Variants in DCHS2 observed in about 807,000 individuals in gnomAD.
DCHS2 encodes dachsous cadherin-related 2.
DCHS2 carries 142 observed loss-of-function variants against 182.4 expected under a neutral mutation model. The ratio of observed to expected loss-of-function variants is 0.78; its 90% CI spans 0.68 to 0.89. DCHS2 has a LOEUF of 0.89. Ranked by LOEUF, DCHS2 falls within the 40% of genes least tolerant of loss-of-function variation. The pLI, the probability that DCHS2 is intolerant of heterozygous loss-of-function variation, is 0.00. For synonymous variants in DCHS2, 1,740 were observed against 1,663.3 expected, an observed-to-expected ratio of 1.05 and a Z score of -1.12; for missense variants, 4,319 against 4,198.6, an observed-to-expected ratio of 1.03 and a Z score of -0.79.
intron 1 of DCHS2, among the ~76,000 whole-genome samples, chr4:154,486,112 T>G (rs945962603): frequency 6.6e-6 from 1 of 152,178 alleles, no homozygotes; most frequent in Non-Finnish European, 1.5e-5. Flanking sequence ...ACTGAGTTAT[T>G]AAGAAGTCCA....
intron 1 of DCHS2, among the ~76,000 whole-genome samples, chr4:154,382,958 A>G (rs974983424): frequency 6.6e-6 from 1 of 152,142 alleles, no homozygotes; most frequent in Non-Finnish European, 1.5e-5. Context: ...TTAAAGAACT[A>G]CCATTCGAAC....
intron 5 of DCHS2, chr4:154,331,554 A>C (rs1173537510): frequency 6.3e-7 from 1 of 1,582,828 alleles, no homozygotes; most frequent in Non-Finnish European, 8.6e-7. Flanking sequence ...GTGCCCTGTG[A>C]AAACCCTCCA....
chr4:154,436,598 G>A (rs1733787718), intron 1 of DCHS2, among the ~76,000 whole-genome samples: 2 of 152,158 alleles, frequency 1.3e-5, no homozygotes, highest in Admixed American at 6.5e-5. Context: ...AGTATGTGAT[G>A]TGATATATAC....
At position 154,320,912 on chromosome 4, in the gene DCHS2, A is replaced by G; in HGVS notation, c.4487T>C (p.Leu1496Pro). Residue 1496 changes from leucine to proline, a missense_variant, in exon 9 of 20, where the codon CTT (leucine) becomes CCT (proline). Transcript: ENST00000357232. ...KNLSLSSTVF[L>P]SIDVEDQNDH... ...ATTCTGATCTTCCACATCGATACTAAGGAAGACTGTGCTACTCAGGGAAAG... is the reference window on the plus strand; with the variant it reads ...ATTCTGATCTTCCACATCGATACTAGGGAAGACTGTGCTACTCAGGGAAAG... 2 of 1,614,122 alleles carry G rather than the reference A, an allele frequency of 1.2e-6. No individual in the cohort carries two copies. The highest frequency in any genetic ancestry group is 2.2e-5 in the East Asian group (1 of 44,890).
rs41280475 is a variant in DCHS2, at chr4:154,240,735, A to G, written c.7161T>C (p.Ser2387=). 7.0e-3 allele frequency: 11,299 copies of G among 1,613,926 alleles called. 65 individuals carry two copies. Among genetic ancestry groups the G allele is most frequent in the Middle Eastern group, 0.026 (159 of 6,058 alleles). ...SAFIFSFAKE[S]NPGTKFAIDQ... The stretch of plus-strand genomic sequence containing the variant: ...CAATAGCAAACTTGGTTCCAGGATT[A>G]CTCTCTTTGGCAAAACTGAATATGA... The change falls in exon 18 of 20, where the codon AGT becomes AGC. Residue 2387 remains serine (S), a synonymous_variant. Coordinates refer to ENST00000357232, the MANE Select transcript of DCHS2 (RefSeq NM_001358235.2).
rs148761990 is a variant in DCHS2 at position 154,240,613 on chromosome 4, T to C, written c.7283A>G (p.Tyr2428Cys). The change falls in exon 18 of 20, where the codon TAC becomes TGC. Residue 2428 changes from tyrosine to cysteine, a missense_variant. Coordinates refer to ENST00000357232, the MANE Select transcript of DCHS2 (RefSeq NM_001358235.2). ...ACGGACTACAAGTGCTCCCTCTGTG[T>C]AGTGCACTGAATCAGAAATTTGGAT... ...LLIQISDSVH[Y>C]TEGALVVRVL... is the part of the protein sequence containing the mutation. 1.2e-6 allele frequency: 2 copies of C among 1,613,862 alleles called. No individual in the cohort carries two copies. Among genetic ancestry groups the C allele is most frequent in the African/African-American group, 2.7e-5 (2 of 74,940 alleles).
At chr4:154,391,389 C>G in intron 1 of DCHS2, 1 of 1,451,460 alleles carries the variant, frequency 6.9e-7, no homozygotes, top group South Asian at 1.4e-5. Flanking sequence ...TATGGAAATA[C>G]CTCCATGACT....
chr4:154,464,165 A>G (rs1020191801), intron 1 of DCHS2, among the ~76,000 whole-genome samples: 1 of 152,186 alleles, frequency 6.6e-6, no homozygotes, highest in Admixed American at 6.5e-5. Context: ...CCAGCATGTT[A>G]GATAGAGGGG....
chr4:154,249,108 G>T (rs1335763268), intron 16 of DCHS2, among the ~76,000 whole-genome samples: 10 of 152,118 alleles, frequency 6.6e-5, no homozygotes, highest in Admixed American at 5.2e-4. Flanking sequence ...AAACTAAAGA[G>T]CTTCTGCACA....
chr4:154,378,520 A>AAGGAAGGAAGGAAGGAAGGAAC (rs1579025517), intron 1 of DCHS2, among the ~76,000 whole-genome samples: 1 of 64,016 alleles, frequency 1.6e-5, no homozygotes, highest in Non-Finnish European at 3.7e-5. Flanking sequence ...AAGGAAGGAA[A>AAGGAAGGAAGGAAGGAAGGAAC]GAAGGAAGGA....
At chr4:154,311,705 C>T (rs942403024) in intron 10 of DCHS2, among the ~76,000 whole-genome samples, 2 of 152,146 alleles carry the variant, frequency 1.3e-5, no homozygotes, top group Admixed American at 6.6e-5. Context: ...TTCAGTTTCT[C>T]AGACCATATG....
At chr4:154,269,836 A>C in intron 14 of DCHS2, 64 bp downstream of exon 14, 2 of 1,561,606 alleles carry the variant, frequency 1.3e-6, no homozygotes, top group Non-Finnish European at 1.7e-6. Context: ...TACTTTGCAA[A>C]TTTTGCAGAA....
intron 8 of DCHS2, among the ~76,000 whole-genome samples, chr4:154,321,468 AAC>A (rs1736059283): frequency 6.6e-6 from 1 of 152,174 alleles, no homozygotes; most frequent in Admixed American, 6.6e-5. Context: ...TGTGTGAAAC[AAC>A]AGTTTGGTAA....
At chr4:154,408,679 C>A (rs1271560718) in intron 1 of DCHS2, among the ~76,000 whole-genome samples, 1 of 152,088 alleles carries the variant, frequency 6.6e-6, no homozygotes, top group Admixed American at 6.5e-5. Flanking sequence ...TGGAGTACAT[C>A]AAAGGAATAG....
chr4:154,236,662 T>C lies in DCHS2; in HGVS notation c.7990A>G (p.Asn2664Asp). ...QVLDVNDNPP[N>D]FSSLSYHTHV... Reference sequence around the variant, plus strand: ...GTGTGATAGCTCAGGCTGCTGAAGTTTGGGGGATTGTCATTGACATCAAGT... The same window carrying C: ...GTGTGATAGCTCAGGCTGCTGAAGTCTGGGGGATTGTCATTGACATCAAGT... Residue 2664 changes from asparagine to aspartate, a missense_variant, in exon 20 of 20, where the codon AAC becomes GAC. Asn to Asp is a conservative substitution (Grantham distance 23). Transcript: ENST00000357232. The C allele has an allele frequency of 1.2e-6, 2 of 1,613,992 alleles. No homozygotes were observed. Among genetic ancestry groups the C allele is most frequent in the South Asian group, 1.1e-5 (1 of 91,080 alleles).
At chr4:154,273,588 C>T (rs1733696887) in intron 13 of DCHS2, among the ~76,000 whole-genome samples, 1 of 151,596 alleles carries the variant, frequency 6.6e-6, no homozygotes, top group Non-Finnish European at 1.5e-5. Context: ...CATCTGTTTC[C>T]CCAAAACCTA....
At chr4:154,367,321 G>C (rs754374610) in intron 2 of DCHS2, among the ~76,000 whole-genome samples, 18 of 152,278 alleles carry the variant, frequency 1.2e-4, no homozygotes, top group Non-Finnish European at 2.4e-4. Flanking sequence ...GAACGGGCAG[G>C]AGGAGGCTCT....
chr4:154,250,503 T>C (rs1007729057), intron 16 of DCHS2, among the ~76,000 whole-genome samples: 3 of 152,166 alleles, frequency 2.0e-5, no homozygotes, highest in Admixed American at 6.5e-5. Context: ...TTTACTTTTG[T>C]TCTTGTATTG....
intron 2 of DCHS2, among the ~76,000 whole-genome samples, chr4:154,369,176 A>G (rs1203223083): frequency 6.6e-6 from 1 of 152,206 alleles, no homozygotes; most frequent in East Asian, 1.9e-4. Context: ...GATTTTAGAA[A>G]GAGGTATCTG....
Sources: gnomAD v4.1 joint callset for allele counts (sites outside exome capture counted in the v4.1 genomes callset) on GRCh38, gnomAD v4.1.1 for gene constraint, MANE v1.5 for transcripts, NCBI Gene and HGNC (gene_info 2026-07-23, HGNC 2026-07-21) for gene names.